FBXL13: variants seen among roughly 807,000 people sequenced by gnomAD.
FBXL13 encodes the protein F-box and leucine-rich repeat protein 13.
FBXL13 carries 67 observed loss-of-function variants against 83.6 expected under a neutral mutation model. The ratio of observed to expected loss-of-function variants is 0.80; its 90% CI spans 0.66 to 0.98. FBXL13 has a LOEUF of 0.98. FBXL13 is among the 50% of genes least tolerant of loss of function. The probability of loss-of-function intolerance (pLI) is 0.00; values close to 1 mark genes in which losing one functional copy is unlikely to be tolerated. For missense variants in FBXL13, 822 were observed against 866.5 expected, an observed-to-expected ratio of 0.95 and a Z score of 0.64; for synonymous variants, 272 against 299.5, an observed-to-expected ratio of 0.91 and a Z score of 0.95.
chr7:102,834,348 G>C (rs895064666), intron 17 of FBXL13, among the ~76,000 whole-genome samples: 2 of 146,294 alleles, frequency 1.4e-5, no homozygotes, highest in African/African-American at 5.0e-5. Flanking sequence ...ACCCTAATGG[G>C]TTACTAAAGA....
intron 6 of FBXL13, among the ~76,000 whole-genome samples, chr7:103,010,463 G>A (rs537605867): frequency 1.4e-4 from 21 of 152,032 alleles, no homozygotes; most frequent in Admixed American, 2.6e-4. Context: ...GGATGGCAGG[G>A]TGGGCAACTC....
In FBXL13 at chr7:102,843,611, C is replaced by A. The variant is rs1000729984; in HGVS notation, c.1720-10637G>T. Among the ~76,000 whole-genome samples the A allele has an allele frequency of 5.3e-5, 8 of 151,908 alleles. No individual in the cohort carries two copies. The South Asian group carries it at 6.2e-4, about 12-fold the overall frequency. ...CCAACGTGGCGAAACCCCGTCTCTA[C>A]GAAAAATACAAAAAATTAGCCAGAC... is the stretch of plus-strand genomic sequence containing the variant. On this transcript the variant is annotated intron_variant, in intron 17 of 19. Transcript: ENST00000313221.
At chr7:102,890,001 G>T (rs147359768) in intron 11 of FBXL13, among the ~76,000 whole-genome samples, 167 of 152,034 alleles carry the variant, frequency 1.1e-3, no homozygotes, top group African/African-American at 3.9e-3. Flanking sequence ...TCCAGAAAGT[G>T]GGGGGTGGGG....
At chr7:102,994,900 G>A (rs1829939189) in intron 6 of FBXL13, among the ~76,000 whole-genome samples, 1 of 152,164 alleles carries the variant, frequency 6.6e-6, no homozygotes, top group Admixed American at 6.5e-5. Flanking sequence ...ATGTGTGTGA[G>A]CTCTAGTCAG....
intron 11 of FBXL13, among the ~76,000 whole-genome samples, chr7:102,899,502 G>A (rs150768735): frequency 1.9e-3 from 287 of 152,260 alleles, no homozygotes; most frequent in Admixed American, 4.2e-3. Context: ...AAGTGGCCTA[G>A]ACCTATACGC....
intron 17 of FBXL13, among the ~76,000 whole-genome samples, chr7:102,850,953 C>G (rs1805114256): frequency 6.6e-6 from 1 of 152,252 alleles, no homozygotes; most frequent in East Asian, 1.9e-4. Context: ...CAGTGAGAAA[C>G]AGCAAAAATA....
downstream of FBXL13, chr7:102,813,116 A>C: frequency 2.2e-6 from 1 of 459,392 alleles, no homozygotes; most frequent in East Asian, 4.1e-5. Flanking sequence ...CTAGGATTAC[A>C]GGTGTGAGCC....
intron 8 of FBXL13, among the ~76,000 whole-genome samples, chr7:102,959,176 A>G (rs1224914536): frequency 6.6e-6 from 1 of 152,152 alleles, no homozygotes; most frequent in Non-Finnish European, 1.5e-5. Context: ...ATACATGGTC[A>G]GATACAATAA....
chr7:103,052,272 A>C (rs1285315044), intron 2 of FBXL13, among the ~76,000 whole-genome samples: 1 of 152,160 alleles, frequency 6.6e-6, no homozygotes, highest in Non-Finnish European at 1.5e-5. Flanking sequence ...ATTTTTTTTA[A>C]GAGATGAGGT....
chr7:102,841,435 G>A (rs1802921370), intron 17 of FBXL13, among the ~76,000 whole-genome samples: 1 of 152,186 alleles, frequency 6.6e-6, no homozygotes, highest in African/African-American at 2.4e-5. Context: ...AGCAAGTTCA[G>A]CAGTGCTTCA....
At chr7:102,844,515 G>C (rs183633270) in intron 17 of FBXL13, among the ~76,000 whole-genome samples, 4 of 152,256 alleles carry the variant, frequency 2.6e-5, no homozygotes, top group Non-Finnish European at 5.9e-5. Flanking sequence ...AAAGACTGTC[G>C]TAAGAGTGGA....
chr7:102,932,012 C>A (rs1310940816), intron 8 of FBXL13, 79 bp from the exon 10 acceptor site: 5 of 1,291,076 alleles, frequency 3.9e-6, no homozygotes, highest in Non-Finnish European at 5.5e-6. Context: ...ACATTGAATG[C>A]AATGTATTCA....
chr7:102,826,226 C>T (rs147494933), intron 18 of FBXL13, among the ~76,000 whole-genome samples: 7 of 152,080 alleles, frequency 4.6e-5, no homozygotes, highest in Non-Finnish European at 5.9e-5. Context: ...AGAAAAAACC[C>T]GCCTTGAAGA....
intron 6 of FBXL13, among the ~76,000 whole-genome samples, chr7:102,994,784 G>GT (rs1829924872): frequency 6.6e-6 from 1 of 152,156 alleles, no homozygotes; most frequent in Admixed American, 6.5e-5. Context: ...TGATTGGTCA[G>GT]TGCAGGCTAC....
At chr7:103,011,760 T>G (rs976869518) in intron 6 of FBXL13, among the ~76,000 whole-genome samples, 2 of 151,682 alleles carry the variant, frequency 1.3e-5, no homozygotes, top group Non-Finnish European at 2.9e-5. Context: ...GGTTGAAAAC[T>G]GGCTCTCCTA....
intron 2 of FBXL13, among the ~76,000 whole-genome samples, chr7:103,042,318 A>G (rs1795803718): frequency 6.6e-6 from 1 of 152,212 alleles, no homozygotes; most frequent in Admixed American, 6.5e-5. Flanking sequence ...TCAACACAAT[A>G]AAAGAGGACA....
intron 11 of FBXL13, among the ~76,000 whole-genome samples, chr7:102,904,420 G>C (rs1186826610): frequency 1.3e-5 from 2 of 151,554 alleles, no homozygotes; most frequent in Non-Finnish European, 2.9e-5. Context: ...TTAATTTCTA[G>C]GGTACATGTG....
intron 7 of FBXL13, among the ~76,000 whole-genome samples, chr7:102,965,920 G>T (rs926560827): frequency 2.6e-5 from 4 of 152,174 alleles, no homozygotes; most frequent in Non-Finnish European, 5.9e-5. Flanking sequence ...AAGGACTGAT[G>T]ATATCACGTG....
At chr7:103,020,161 T>C (rs1399268314) in intron 6 of FBXL13, among the ~76,000 whole-genome samples, 1 of 152,228 alleles carries the variant, frequency 6.6e-6, no homozygotes, top group Non-Finnish European at 1.5e-5. Flanking sequence ...GATGCAAGGC[T>C]GGTTCAACAT....
Sources: allele counts gnomAD v4.1 joint callset (sites outside exome capture counted in the v4.1 genomes callset), GRCh38; gene constraint gnomAD v4.1.1; transcripts MANE v1.5; gene names NCBI Gene and HGNC (gene_info 2026-07-23, HGNC 2026-07-21).